The following USH2A variants were observed in gnomAD, a reference collection of about 807,000 sequenced individuals.
The protein encoded by USH2A is usherin.
A neutral mutation model predicts 538.9 loss-of-function variants in USH2A; 443 were observed. The ratio of observed to expected loss-of-function variants is 0.82; its 90% CI spans 0.76 to 0.89. The LOEUF is 0.89. USH2A is among the 40% of genes least tolerant of loss of function. The pLI, the probability that USH2A is intolerant of heterozygous loss-of-function variation, is 0.00. For synonymous variants in USH2A, 2,413 were observed against 2,273.5 expected, an observed-to-expected ratio of 1.06 and a Z score of -1.75; for missense variants, 6,633 against 6,324.8, an observed-to-expected ratio of 1.05 and a Z score of -1.65.
chr1:215,747,085 A>T (rs1660492357), intron 58 of USH2A, among the ~76,000 whole-genome samples: 1 of 152,214 alleles, frequency 6.6e-6, no homozygotes, highest in African/African-American at 2.4e-5. Context: ...GGACACAAGA[A>T]AATGTTTATG....
chr1:215,795,447 G>A lies in USH2A; in HGVS notation c.9958+3460C>T, dbSNP rs571431136. ...GTTGTAAGTTCTTGAGGATAAAAAC[G>A]GAATCTTGGCCATTTTTACACTTGC... On this transcript the variant is annotated intron_variant, in intron 50 of 71. Transcript: ENST00000307340. Among the ~76,000 whole-genome samples the A allele has an allele frequency of 2.3e-3, 343 of 152,208 alleles. 4 individuals carry two copies. Among genetic ancestry groups the A allele is most frequent in the African/African-American group, 7.8e-3 (326 of 41,536 alleles).
At chr1:215,694,003 AAC>A (rs1474060504) in intron 61 of USH2A, among the ~76,000 whole-genome samples, 1 of 152,222 alleles carries the variant, frequency 6.6e-6, no homozygotes, top group African/African-American at 2.4e-5. Flanking sequence ...ACTCTTGATA[AAC>A]ACAGACAAAA....
chr1:216,383,866 C>CTTTCT (rs552614003), intron 3 of USH2A, among the ~76,000 whole-genome samples: 22 of 134,926 alleles, frequency 1.6e-4, no homozygotes, highest in African/African-American at 6.3e-4. Context: ...TTCTTTCTTT[C>CTTTCT]TTTTTTTTTT....
intron 37 of USH2A, among the ~76,000 whole-genome samples, chr1:215,952,144 G>A (rs1469405261): frequency 6.6e-6 from 1 of 152,302 alleles, no homozygotes; most frequent in East Asian, 1.9e-4. Context: ...GATTACAGGC[G>A]TGAGCCACCG....
intron 58 of USH2A, among the ~76,000 whole-genome samples, chr1:215,752,814 T>C (rs1334622697): frequency 6.6e-6 from 1 of 152,080 alleles, no homozygotes; most frequent in Non-Finnish European, 1.5e-5. Flanking sequence ...ACAAATGGGA[T>C]CTAATTAAAC....
intron 21 of USH2A, among the ~76,000 whole-genome samples, chr1:216,155,485 C>T (rs2033919657): frequency 6.6e-6 from 1 of 152,118 alleles, no homozygotes; most frequent in African/African-American, 2.4e-5. Flanking sequence ...TGACTCAACC[C>T]ATCCTGTTGC....
intron 21 of USH2A, among the ~76,000 whole-genome samples, chr1:216,111,189 C>A (rs1027041238): frequency 2.6e-5 from 4 of 152,170 alleles, no homozygotes; most frequent in African/African-American, 9.7e-5. Context: ...CGAGATCGTG[C>A]CACTGCACTC....
chr1:216,364,829 T>C (rs2038563431), intron 4 of USH2A, 124 bp downstream of exon 4: 1 of 1,281,972 alleles, frequency 7.8e-7, no homozygotes. Flanking sequence ...CAGTTGGTGG[T>C]AATTTGTTCA....
intron 3 of USH2A, among the ~76,000 whole-genome samples, chr1:216,368,894 G>A (rs1413489872): frequency 1.3e-5 from 2 of 152,080 alleles, no homozygotes; most frequent in East Asian, 1.9e-4. Flanking sequence ...TTAATTTGGA[G>A]GGCCTCATTT....
At chr1:216,293,280 G>A (rs925670383) in intron 9 of USH2A, among the ~76,000 whole-genome samples, 4 of 152,002 alleles carry the variant, frequency 2.6e-5, no homozygotes, top group African/African-American at 7.2e-5. Context: ...CACCTCGGCC[G>A]CCCAAAGTGC....
chr1:215,758,172 G>C (rs2102740585), intron 58 of USH2A, among the ~76,000 whole-genome samples: 1 of 152,010 alleles, frequency 6.6e-6, no homozygotes, highest in East Asian at 1.9e-4. Flanking sequence ...TGTAATCCCA[G>C]CTACTCAGGA....
intron 13 of USH2A, among the ~76,000 whole-genome samples, chr1:216,237,977 A>C (rs2035862903): frequency 6.6e-6 from 1 of 152,210 alleles, no homozygotes; most frequent in African/African-American, 2.4e-5. Flanking sequence ...AACACTAGGA[A>C]ATGTGGCATA....
At chr1:215,764,499 A>G (rs748255415) in intron 56 of USH2A, among the ~76,000 whole-genome samples, 11 of 152,190 alleles carry the variant, frequency 7.2e-5, no homozygotes, top group Non-Finnish European at 1.5e-4. Context: ...ACAGTTTTCT[A>G]TGAGGATAAA....
At chr1:216,121,411 C>T (rs201357745) in intron 21 of USH2A, among the ~76,000 whole-genome samples, 5 of 151,590 alleles carry the variant, frequency 3.3e-5, no homozygotes, top group South Asian at 2.1e-4. Context: ...TGGTTTTTTT[C>T]TTTTTTTTAA....
chr1:216,264,459 T>C (rs685492), intron 11 of USH2A, among the ~76,000 whole-genome samples: 145,641 of 152,190 alleles, frequency 0.96, 69,712 homozygotes, highest in African/African-American at 0.99. Flanking sequence ...CACCATGCTC[T>C]GCTAATTTTT....
chr1:216,043,423 A>G (rs2030372978), intron 32 of USH2A, among the ~76,000 whole-genome samples: 1 of 152,052 alleles, frequency 6.6e-6, no homozygotes, highest in Non-Finnish European at 1.5e-5. Flanking sequence ...CAAGAAAGCT[A>G]CAGCAGAAAA....
intron 16 of USH2A, 46 bp downstream of exon 16, chr1:216,207,227 T>C (rs774270834): frequency 2.5e-6 from 4 of 1,609,020 alleles, no homozygotes; most frequent in East Asian, 4.5e-5. Flanking sequence ...AACTAATGTG[T>C]CAATTCTCAG....
chr1:216,190,341 TTC>T lies in USH2A; in HGVS notation c.4276_4277del (p.Glu1426ThrfsTer12), dbSNP rs1475129324. ...SQLLHTAKSQ[E>X]LSYTVEGLKP... ...TCAGTCCTTCTACAGTGTAAGATAG[TTC>T]TTGGGATTTAGCAGTGTGCAACAGC... is the stretch of plus-strand genomic sequence containing the variant. On this transcript the variant is annotated frameshift_variant, in exon 20 of 72. Coordinates refer to ENST00000307340, the MANE Select transcript of USH2A (RefSeq NM_206933.4). LOFTEE classifies it high-confidence loss of function. 1.2e-6 allele frequency: 2 copies of T among 1,612,076 alleles called. No homozygotes were observed. The highest frequency in any genetic ancestry group is 1.7e-6 in the Non-Finnish European group (2 of 1,178,844).
At chr1:215,853,411 G>C (rs1664073323) in intron 44 of USH2A, among the ~76,000 whole-genome samples, 1 of 152,118 alleles carries the variant, frequency 6.6e-6, no homozygotes, top group South Asian at 2.1e-4. Flanking sequence ...GCCTGTGTTG[G>C]TCGCAGCTGT....
Sources: gnomAD v4.1 joint callset for allele counts (sites outside exome capture counted in the v4.1 genomes callset) on GRCh38, gnomAD v4.1.1 for gene constraint, MANE v1.5 for transcripts, NCBI Gene and HGNC (gene_info 2026-07-23, HGNC 2026-07-21) for gene names.